FOXP2: variants seen among roughly 807,000 people sequenced by gnomAD.
The protein encoded by FOXP2 is forkhead box P2.
FOXP2 carries 12 observed loss-of-function variants against 115.8 expected under a neutral mutation model. That is an observed-to-expected ratio of 0.10 (90% confidence interval 0.07 to 0.17). The LOEUF (loss-of-function observed/expected upper bound fraction) is 0.17, where lower values mean the gene tolerates loss of function less well. Ranked by LOEUF, FOXP2 falls within the 10% of genes least tolerant of loss-of-function variation. The pLI, the probability that FOXP2 is intolerant of heterozygous loss-of-function variation, is 1.00. For missense variants in FOXP2, 629 were observed against 843.5 expected (o/e 0.75, Z 3.15); for synonymous variants, 328 against 297.7 (o/e 1.10, Z -1.05).
At chr7:114,128,897 A>T (rs1791798025) in intron 1 of FOXP2, among the ~76,000 whole-genome samples, 1 of 152,144 alleles carries the variant, frequency 6.6e-6, no homozygotes. Flanking sequence ...TTCTGAAATG[A>T]CTTTCTTCTT....
chr7:114,268,700 CTGTGTG>C lies in FOXP2; in HGVS notation c.-101-19293_-101-19288del, dbSNP rs61371412. Among the ~76,000 whole-genome samples, 534 of 148,110 alleles carry C rather than the reference CTGTGTG, an allele frequency of 3.6e-3. 1 individual carries two copies. Among genetic ancestry groups the C allele is most frequent in the Middle Eastern group, 0.021 (6 of 288 alleles). ...CGATTGGTGAAGTCTATACTCCCCA[CTGTGTG>C]TGTGTGTGTGTGTGTGTGTGTGTGT... On this transcript the variant is annotated intron_variant, in intron 1 of 17. Coordinates refer to the FOXP2 transcript ENST00000634411.
chr7:114,122,016 C>A (rs1457990136), intron 1 of FOXP2, among the ~76,000 whole-genome samples: 1 of 152,004 alleles, frequency 6.6e-6, no homozygotes, highest in African/African-American at 2.4e-5. Flanking sequence ...TAAATGAGTC[C>A]ATCAGAACTT....
At chr7:114,250,980 A>C (rs1280830794) in intron 1 of FOXP2, among the ~76,000 whole-genome samples, 2 of 151,952 alleles carry the variant, frequency 1.3e-5, no homozygotes, top group East Asian at 3.9e-4. Context: ...TTGTATAAGG[A>C]AAAAGAAGGG....
At chr7:114,169,560 G>T (rs1038473221) in intron 1 of FOXP2, among the ~76,000 whole-genome samples, 2 of 152,130 alleles carry the variant, frequency 1.3e-5, no homozygotes, top group Non-Finnish European at 2.9e-5. Flanking sequence ...GCAGGTTCAT[G>T]GGGGGAAGGG....
At chr7:114,461,749 A>ACCC (rs1795569032) in intron 2 of FOXP2, among the ~76,000 whole-genome samples, 1 of 150,744 alleles carries the variant, frequency 6.6e-6, no homozygotes, top group Non-Finnish European at 1.5e-5. Flanking sequence ...CCTTCCCTTG[A>ACCC]TTATTCAGTA....
chr7:114,504,210 TAC>T (rs929736601), intron 2 of FOXP2, among the ~76,000 whole-genome samples: 2 of 151,688 alleles, frequency 1.3e-5, no homozygotes, highest in African/African-American at 2.4e-5. Context: ...GTCAAAATCT[TAC>T]AGTCTGTACT....
At chr7:114,221,427 T>A (rs894552038) in intron 1 of FOXP2, among the ~76,000 whole-genome samples, 5 of 152,170 alleles carry the variant, frequency 3.3e-5, no homozygotes, top group Admixed American at 6.5e-5. Context: ...AATATTTTTT[T>A]AAGAAATCTC....
chr7:114,442,846 T>C (rs1232893895), intron 2 of FOXP2, among the ~76,000 whole-genome samples: 2 of 152,198 alleles, frequency 1.3e-5, no homozygotes, highest in Non-Finnish European at 2.9e-5. Flanking sequence ...AATGGTGACA[T>C]AATTCCATTG....
At chr7:114,241,373 C>T (rs1327932869) in intron 1 of FOXP2, among the ~76,000 whole-genome samples, 3 of 151,950 alleles carry the variant, frequency 2.0e-5, no homozygotes, top group Non-Finnish European at 4.4e-5. Context: ...TTTCTGCCTT[C>T]AAGGAGCCAA....
chr7:114,682,598 C>T (rs1808147477), intron 16 of FOXP2, among the ~76,000 whole-genome samples: 1 of 152,090 alleles, frequency 6.6e-6, no homozygotes, highest in Non-Finnish European at 1.5e-5. Flanking sequence ...ATGAACACCA[C>T]AGAAATATCC....
intron 1 of FOXP2, among the ~76,000 whole-genome samples, chr7:114,137,009 A>C (rs962316618): frequency 2.0e-5 from 3 of 152,086 alleles, no homozygotes; most frequent in African/African-American, 7.2e-5. Context: ...TTGGTTTTGA[A>C]ATAAAATATT....
chr7:114,435,388 G>A (rs1794296722), intron 2 of FOXP2, among the ~76,000 whole-genome samples: 1 of 152,094 alleles, frequency 6.6e-6, no homozygotes, highest in Non-Finnish European at 1.5e-5. Flanking sequence ...AGACAGGAAG[G>A]TGTAAAAAGT....
At chr7:114,216,839 T>C (rs1039491177) in intron 1 of FOXP2, among the ~76,000 whole-genome samples, 2 of 152,172 alleles carry the variant, frequency 1.3e-5, no homozygotes, top group African/African-American at 4.8e-5. Context: ...ATGAAGCAAA[T>C]GGATTACTAA....
intron 3 of FOXP2, among the ~76,000 whole-genome samples, chr7:114,546,292 T>C (rs1033350511): frequency 6.6e-6 from 1 of 152,182 alleles, no homozygotes; most frequent in Non-Finnish European, 1.5e-5. Flanking sequence ...TCTGTTAGTG[T>C]CGTATTCCTC....
At chr7:114,343,312 C>G (rs2129184608) in intron 2 of FOXP2, among the ~76,000 whole-genome samples, 1 of 151,586 alleles carries the variant, frequency 6.6e-6, no homozygotes, top group East Asian at 1.9e-4. Context: ...GTAAGGAAAA[C>G]AATTAAAAAT....
At chr7:114,583,909 C>T (rs1050284709) in intron 3 of FOXP2, among the ~76,000 whole-genome samples, 9 of 152,094 alleles carry the variant, frequency 5.9e-5, no homozygotes, top group African/African-American at 2.2e-4. Context: ...TTTTTTTTCT[C>T]TTTTGCCCTT....
chr7:114,402,891 C>T (rs2129196998), intron 2 of FOXP2, among the ~76,000 whole-genome samples: 1 of 152,164 alleles, frequency 6.6e-6, no homozygotes, highest in Admixed American at 6.5e-5. Context: ...AAGTGATCTT[C>T]CCACCTAGGC....
At chr7:114,208,303 A>G (rs997816321) in intron 1 of FOXP2, among the ~76,000 whole-genome samples, 1 of 152,116 alleles carries the variant, frequency 6.6e-6, no homozygotes, top group African/African-American at 2.4e-5. Context: ...TTGGACTTGC[A>G]TGGGGCCTGT....
chr7:114,270,834 C>G (rs1405905482), intron 1 of FOXP2, among the ~76,000 whole-genome samples: 3 of 152,000 alleles, frequency 2.0e-5, no homozygotes, highest in Non-Finnish European at 4.4e-5. Flanking sequence ...TCCACTTTAT[C>G]AGTTATTTAT....
Sources: allele counts gnomAD v4.1 joint callset (sites outside exome capture counted in the v4.1 genomes callset), GRCh38; gene constraint gnomAD v4.1.1; transcripts MANE v1.5; gene names NCBI Gene and HGNC (gene_info 2026-07-23, HGNC 2026-07-21).